MYO18B: variants seen among roughly 807,000 people sequenced by gnomAD.
The protein encoded by MYO18B is unconventional myosin-XVIIIb.
In MYO18B, 204 loss-of-function variants were observed where a neutral mutation model predicts 273.0. The observed-to-expected ratio is 0.75, with a 90% CI of 0.67 to 0.84. The LOEUF is 0.84. Ranked by LOEUF, MYO18B falls within the 40% of genes least tolerant of loss-of-function variation. The pLI, the probability that MYO18B is intolerant of heterozygous loss-of-function variation, is 0.00. For missense variants in MYO18B, 3,212 were observed against 3,287.6 expected (o/e 0.98, Z 0.56); for synonymous variants, 1,330 against 1,305.7 (o/e 1.02, Z -0.40).
intron 33 of MYO18B, among the ~76,000 whole-genome samples, chr22:25,913,894 C>T (rs1047050368): frequency 6.6e-6 from 1 of 152,074 alleles, no homozygotes; most frequent in Admixed American, 6.6e-5. Context: ...TTATGGTTTG[C>T]GCTTTTATAT....
At chr22:25,917,705 A>G (rs2092283917) in intron 33 of MYO18B, among the ~76,000 whole-genome samples, 1 of 151,958 alleles carries the variant, frequency 6.6e-6, no homozygotes, top group Non-Finnish European at 1.5e-5. Context: ...ATTTGAAACT[A>G]TTTTGTGTTT....
chr22:25,794,752 T>TCTGC (rs1473681772), intron 11 of MYO18B, among the ~76,000 whole-genome samples: 6 of 143,706 alleles, frequency 4.2e-5, no homozygotes, highest in Non-Finnish European at 7.7e-5. Flanking sequence ...GATCCATCCA[T>TCTGC]CTCGGCCTCC....
intron 12 of MYO18B, among the ~76,000 whole-genome samples, chr22:25,802,419 A>T (rs1045779254): frequency 2.6e-5 from 4 of 151,994 alleles, no homozygotes; most frequent in Non-Finnish European, 5.9e-5. Context: ...TTGGCAATTA[A>T]CTCAATCTCC....
chr22:25,871,186 G>A (rs1007742070), intron 22 of MYO18B, among the ~76,000 whole-genome samples: 1 of 152,094 alleles, frequency 6.6e-6, no homozygotes, highest in East Asian at 1.9e-4. Context: ...GGCTGACCCA[G>A]TCCACACCCA....
At chr22:25,847,823 G>T (rs1298282143) in intron 20 of MYO18B, among the ~76,000 whole-genome samples, 171 bp downstream of exon 20, 2 of 152,172 alleles carry the variant, frequency 1.3e-5, no homozygotes, top group African/African-American at 4.8e-5. Flanking sequence ...GCTCAGAGAG[G>T]TGGAAGTACT....
chr22:25,750,740 G>A (rs985570524), intron 1 of MYO18B, among the ~76,000 whole-genome samples: 2 of 152,216 alleles, frequency 1.3e-5, no homozygotes, highest in African/African-American at 2.4e-5. Context: ...AGGTGACAGC[G>A]GGTGTTTGGG....
Position 25,761,990 on chromosome 22 carries a change from G to T in MYO18B, c.39+859G>T, listed in dbSNP as rs560589265. On this transcript the variant is annotated intron_variant, in intron 2 of 43. Transcript: ENST00000335473. ...TACAAAAAATTAACTGGGTGTGGTG[G>T]TGTGTGCCTGTCATCCCAGCTACTC... Among the ~76,000 whole-genome samples the T allele has an allele frequency of 7.3e-4, 111 of 152,258 alleles. 1 individual carries two copies. In the South Asian group the frequency reaches 0.022, roughly 30 times the overall value.
At chr22:26,048,413 C>T in the MYO18B span, among the ~76,000 whole-genome samples, 2 of 151,924 alleles carry the variant, frequency 1.3e-5, no homozygotes, top group Non-Finnish European at 2.9e-5. Flanking sequence ...TTGTTATTAC[C>T]ATTATTGTTT....
intron 39 of MYO18B, among the ~76,000 whole-genome samples, chr22:25,976,825 TACTC>T (rs2093095053): frequency 6.6e-6 from 1 of 152,194 alleles, no homozygotes. Context: ...TCCCCCTTCT[TACTC>T]AAGCTCATTT....
rs199995534 is a variant in MYO18B at position 25,768,401 on chromosome 22, C to T, written c.485C>T (p.Pro162Leu). The T allele has an allele frequency of 1.3e-4, 206 of 1,613,726 alleles. 1 individual carries two copies. The African/African-American group carries it at 1.9e-3, about 15-fold the overall frequency. Residue 162 changes from proline to leucine, a missense_variant, in exon 4 of 44, where the codon CCG becomes CTG. Physicochemically the swap from Pro to Leu is moderately conservative, Grantham distance 98 (BLOSUM62 -3). Coordinates refer to ENST00000335473, the MANE Select transcript of MYO18B (RefSeq NM_032608.7). ...TTGTTGATGGTGGCCAAGCTGGACC[C>T]GGACTCAGCCAAGCCAGAGAAGACT... ...DVLLMVAKLD[P>L]DSAKPEKTHP...
At chr22:25,983,212 G>GA (rs989689907) in intron 39 of MYO18B, 1 of 151,976 alleles carries the variant, frequency 6.6e-6, no homozygotes, top group Admixed American at 6.6e-5. Context: ...CTAAAAAAAT[G>GA]AAAAAACCTA....
At position 25,898,363 on chromosome 22, in the gene MYO18B, G is replaced by A; in HGVS notation, c.4725G>A (p.Lys1575=). 1 of 1,613,948 alleles carries A rather than the reference G, an allele frequency of 6.2e-7. No homozygotes were observed. The highest frequency in any genetic ancestry group is 8.5e-7 in the Non-Finnish European group (1 of 1,179,850). The change falls in exon 29 of 44, where the codon AAG becomes AAA. Residue 1575 remains lysine (K), a synonymous_variant. Coordinates refer to ENST00000335473, the MANE Select transcript of MYO18B (RefSeq NM_032608.7). ...CCAAGAAGATGGCTCACCAACTGAAGAGGAAGTGCCACCATCTTACCTGTG... is the reference window on the plus strand; with the variant it reads ...CCAAGAAGATGGCTCACCAACTGAAAAGGAAGTGCCACCATCTTACCTGTG... ...DGAKKMAHQL[K]RKCHHLTCDL...
the MYO18B span, among the ~76,000 whole-genome samples, chr22:26,060,829 TACATATAC>T: frequency 7.3e-6 from 1 of 137,834 alleles, no homozygotes; most frequent in Non-Finnish European, 1.6e-5. Context: ...CATACATATA[TACATATAC>T]ACAATATACA....
At chr22:25,940,821 A>G (rs924070108) in intron 34 of MYO18B, among the ~76,000 whole-genome samples, 1 of 152,198 alleles carries the variant, frequency 6.6e-6, no homozygotes, top group Non-Finnish European at 1.5e-5. Flanking sequence ...TATGCATAAG[A>G]TCTGAAGCAT....
rs191850470 is a variant in MYO18B, at chr22:25,896,404, C to T, written c.4668+1124C>T. 190 of 152,236 alleles carry T rather than the reference C, an allele frequency of 1.2e-3. 1 individual carries two copies. The highest frequency in any genetic ancestry group is 4.5e-3 in the African/African-American group (187 of 41,528). The allele number at this position is 152,236 out of a possible 1,614,324, so 9.4% of individuals were successfully genotyped here. A position where few individuals can be genotyped will look rare whatever the true frequency, so the allele number is the denominator to read the frequency against. On this transcript the variant is annotated intron_variant, in intron 28 of 43. Coordinates refer to ENST00000335473, the MANE Select transcript of MYO18B (RefSeq NM_032608.7). ...CTTCCATGAGCCCAGAGCCTTGTCT[C>T]CTGTCTCTGTCTGGGCATTGAAACA...
chr22:25,952,025 T>C (rs183614602), intron 37 of MYO18B, among the ~76,000 whole-genome samples: 1 of 152,254 alleles, frequency 6.6e-6, no homozygotes, highest in African/African-American at 2.4e-5. Context: ...AAAGTCTTGT[T>C]TTCAATTGTG....
intron 18 of MYO18B, among the ~76,000 whole-genome samples, 180 bp downstream of exon 18, chr22:25,844,074 C>T (rs1390265463): frequency 6.6e-6 from 1 of 152,172 alleles, no homozygotes. Flanking sequence ...CTCCCTGGGG[C>T]CAGAGTGAAT....
chr22:25,987,308 G>A (rs6004875), intron 39 of MYO18B, among the ~76,000 whole-genome samples: 73,359 of 151,994 alleles, frequency 0.48, 18,658 homozygotes, highest in Non-Finnish European at 0.56. Context: ...ATTATCATAT[G>A]AACTGCTTCT....
At chr22:25,940,748 C>T (rs959379756) in intron 34 of MYO18B, among the ~76,000 whole-genome samples, 3 of 152,326 alleles carry the variant, frequency 2.0e-5, no homozygotes, top group Admixed American at 2.0e-4. Flanking sequence ...CCAGGACCCA[C>T]AATCACAGAA....
Sources: allele counts gnomAD v4.1 joint callset (sites outside exome capture counted in the v4.1 genomes callset), GRCh38; gene constraint gnomAD v4.1.1; transcripts MANE v1.5; gene names NCBI Gene and HGNC (gene_info 2026-07-23, HGNC 2026-07-21).